ROBO2: variants seen among roughly 807,000 people sequenced by gnomAD.
ROBO2 encodes the protein roundabout guidance receptor 2.
ROBO2 carries 53 observed loss-of-function variants against 160.8 expected under a neutral mutation model. The observed-to-expected ratio is 0.33, with a 90% confidence interval of 0.26 to 0.41. The LOEUF is 0.41. ROBO2 is among the 10% of genes least tolerant of loss of function. ROBO2 has a pLI of 1.00. For synonymous variants in ROBO2, 664 were observed against 611.7 expected (o/e 1.09, Z -1.26); for missense variants, 1,577 against 1,722.4 (o/e 0.92, Z 1.49).
chr3:76,070,291 T>TCG lies in ROBO2; in HGVS notation c.109+132689_109+132690insCG, dbSNP rs1559886281. Reference sequence around the variant, plus strand: ...TCTTTTTCTCAGCATGGAACATCCTTGAGAAAGAGTATGCGCACCTGGGGT... The same window carrying TCG: ...TCTTTTTCTCAGCATGGAACATCCTTCGGAGAAAGAGTATGCGCACCTGGGGT... On this transcript the variant is annotated intron_variant, in intron 2 of 26. Transcript: ENST00000487694. Among the ~76,000 whole-genome samples the TCG allele has an allele frequency of 5.3e-5, 8 of 151,636 alleles. No homozygotes were observed. The East Asian group carries it at 1.2e-3, about 22-fold the overall frequency.
chr3:75,993,384 CT>C (rs1374635037), intron 2 of ROBO2, among the ~76,000 whole-genome samples: 1 of 152,144 alleles, frequency 6.6e-6, no homozygotes, highest in Non-Finnish European at 1.5e-5. Flanking sequence ...CCCTCTCTCT[CT>C]TTGTGCCTGC....
intron 2 of ROBO2, among the ~76,000 whole-genome samples, chr3:76,273,048 A>G (rs1396393036): frequency 1.9e-5 from 2 of 103,236 alleles, no homozygotes; most frequent in African/African-American, 3.8e-5. Flanking sequence ...AATATATATT[A>G]TATAAATATA....
intron 2 of ROBO2, among the ~76,000 whole-genome samples, chr3:77,365,319 A>C (rs1352154672): frequency 6.6e-6 from 1 of 152,102 alleles, no homozygotes; most frequent in Non-Finnish European, 1.5e-5. Flanking sequence ...GAATTTGTAC[A>C]TCCTTGTGTT....
intron 2 of ROBO2, among the ~76,000 whole-genome samples, chr3:77,108,362 T>G (rs1213359268): frequency 6.6e-6 from 1 of 151,668 alleles, no homozygotes; most frequent in South Asian, 2.1e-4. Context: ...ATATTAGAGA[T>G]GTGATCCCAC....
chr3:77,441,521 T>G (rs2079921986), intron 2 of ROBO2, among the ~76,000 whole-genome samples: 1 of 152,070 alleles, frequency 6.6e-6, no homozygotes, highest in East Asian at 1.9e-4. Flanking sequence ...TTTGCAAGGA[T>G]TGAAAATACG....
chr3:76,606,369 A>AT (rs2087656047), intron 2 of ROBO2, among the ~76,000 whole-genome samples: 1 of 152,186 alleles, frequency 6.6e-6, no homozygotes, highest in African/African-American at 2.4e-5. Context: ...ATGGAGGAGC[A>AT]TTTTTATGGT....
intron 2 of ROBO2, among the ~76,000 whole-genome samples, chr3:77,392,383 G>T (rs1256111712): frequency 6.6e-6 from 1 of 152,230 alleles, no homozygotes; most frequent in Non-Finnish European, 1.5e-5. Context: ...CGGCAACCCT[G>T]CATTCTGCCA....
At chr3:76,463,887 G>A (rs549199521) in intron 2 of ROBO2, among the ~76,000 whole-genome samples, 1 of 152,296 alleles carries the variant, frequency 6.6e-6, no homozygotes, top group African/African-American at 2.4e-5. Flanking sequence ...GTAAGGGCCT[G>A]TTCAACTTAA....
intron 2 of ROBO2, among the ~76,000 whole-genome samples, chr3:76,234,605 G>A (rs1049296172): frequency 2.6e-5 from 4 of 152,038 alleles, no homozygotes; most frequent in African/African-American, 9.7e-5. Flanking sequence ...ATCTCATTGT[G>A]GTTTTGATTT....
chr3:76,480,670 G>A (rs949116731), intron 2 of ROBO2, among the ~76,000 whole-genome samples: 4 of 152,032 alleles, frequency 2.6e-5, no homozygotes, highest in Non-Finnish European at 4.4e-5. Flanking sequence ...GAGGTGATTC[G>A]GCTCTTGGGT....
At chr3:77,485,926 T>A (rs1050527459) in intron 4 of ROBO2, among the ~76,000 whole-genome samples, 1 of 152,122 alleles carries the variant, frequency 6.6e-6, no homozygotes, top group African/African-American at 2.4e-5. Context: ...TTTCTGATGC[T>A]CTCCCTCACC....
intron 2 of ROBO2, among the ~76,000 whole-genome samples, chr3:76,637,463 C>T (rs1031500269): frequency 1.3e-4 from 20 of 151,778 alleles, no homozygotes; most frequent in African/African-American, 4.1e-4. Flanking sequence ...GGGGAAAACA[C>T]CTTCTTATAT....
chr3:77,501,712 G>GA (rs562750326), intron 5 of ROBO2, among the ~76,000 whole-genome samples: 1 of 150,650 alleles, frequency 6.6e-6, no homozygotes, highest in Non-Finnish European at 1.5e-5. Context: ...TTCAATAGAA[G>GA]AAAAAAAGAA....
intron 2 of ROBO2, among the ~76,000 whole-genome samples, chr3:76,186,923 C>T (rs1487837003): frequency 2.7e-5 from 4 of 149,732 alleles, no homozygotes; most frequent in African/African-American, 7.3e-5. Flanking sequence ...TCCTTACATT[C>T]ATATTGAAAC....
At chr3:76,952,485 T>C (rs948260169) in intron 2 of ROBO2, among the ~76,000 whole-genome samples, 18 of 152,108 alleles carry the variant, frequency 1.2e-4, no homozygotes, top group African/African-American at 3.6e-4. Flanking sequence ...GGTTTCACCA[T>C]GTTGGCCAGG....
At chr3:76,901,162 G>A (rs1037310630) in intron 2 of ROBO2, among the ~76,000 whole-genome samples, 1 of 151,514 alleles carries the variant, frequency 6.6e-6, no homozygotes, top group African/African-American at 2.4e-5. Context: ...TGACTAACCT[G>A]TATTAAATTG....
intron 2 of ROBO2, among the ~76,000 whole-genome samples, chr3:77,375,221 T>C (rs1203075446): frequency 1.3e-5 from 2 of 152,246 alleles, no homozygotes; most frequent in African/African-American, 2.4e-5. Context: ...CTAACAAAGA[T>C]ATATGAATGG....
At chr3:77,112,239 G>C (rs992986947) in intron 2 of ROBO2, among the ~76,000 whole-genome samples, 1 of 145,304 alleles carries the variant, frequency 6.9e-6, no homozygotes, top group Non-Finnish European at 1.5e-5. Flanking sequence ...AAGGAGTTTT[G>C]GGGGGTGGAG....
At chr3:76,278,516 C>A (rs1708059869) in intron 2 of ROBO2, among the ~76,000 whole-genome samples, 1 of 151,970 alleles carries the variant, frequency 6.6e-6, no homozygotes, top group African/African-American at 2.4e-5. Context: ...AGTTTCATCT[C>A]ATCAAGTTGG....
Sources: allele counts gnomAD v4.1 joint callset (sites outside exome capture counted in the v4.1 genomes callset), GRCh38; gene constraint gnomAD v4.1.1; transcripts MANE v1.5; gene names NCBI Gene and HGNC (gene_info 2026-07-23, HGNC 2026-07-21).